CDH19: variants seen among roughly 807,000 people sequenced by gnomAD.
CDH19 encodes the protein cadherin-19.
CDH19 carries 67 observed loss-of-function variants against 64.2 expected under a neutral mutation model. The observed-to-expected ratio is 1.04, with a 90% confidence interval of 0.86 to 1.28. The LOEUF is 1.28. CDH19 is among the 50% of genes most tolerant of loss of function. The pLI, the probability that CDH19 is intolerant of heterozygous loss-of-function variation, is 0.00. For missense variants in CDH19, 1,030 were observed against 929.0 expected (o/e 1.11, Z -1.41); for synonymous variants, 346 against 319.3 (o/e 1.08, Z -0.89).
chr18:66,568,588 A>T lies in CDH19; in HGVS notation c.318T>A (p.Asp106Glu). ...AGATGTAGAGGGATCGCTCCTCTCT[A>T]TCAAGCTTCTGTATGGCATATATGT... ...TGDIYAIQKL[D>E]REERSLYILR... is the part of the protein sequence containing the mutation. The change falls in exon 3 of 12, where the codon GAT (aspartate) becomes GAA (glutamate). Residue 106 changes from aspartate to glutamate, a missense_variant. Physicochemically the swap from Asp to Glu is conservative, Grantham distance 45. Coordinates refer to ENST00000262150, the MANE Select transcript of CDH19 (RefSeq NM_021153.4). 1 of 1,612,220 alleles carries T rather than the reference A, an allele frequency of 6.2e-7. No individual in the cohort carries two copies. Among genetic ancestry groups the T allele is most frequent in the South Asian group, 1.1e-5 (1 of 91,056 alleles).
chr18:66,558,418 T>A (rs987440609), intron 3 of CDH19, among the ~76,000 whole-genome samples: 5 of 151,760 alleles, frequency 3.3e-5, no homozygotes, highest in Admixed American at 1.3e-4. Flanking sequence ...AAACACAGTT[T>A]AAGCAATTTT....
chr18:66,580,978 C>T (rs908101631), intron 1 of CDH19, among the ~76,000 whole-genome samples: 1 of 152,032 alleles, frequency 6.6e-6, no homozygotes, highest in Non-Finnish European at 1.5e-5. Context: ...TGGGCTGAAA[C>T]CAGGCAAATA....
intron 1 of CDH19, among the ~76,000 whole-genome samples, chr18:66,574,202 G>C (rs1481987324): frequency 6.6e-6 from 1 of 151,498 alleles, no homozygotes; most frequent in African/African-American, 2.4e-5. Flanking sequence ...GTTGCTAATT[G>C]TATCACTGTT....
chr18:66,552,468 T>TTTGTA lies in CDH19; in HGVS notation c.611-1211_611-1210insTACAA, dbSNP rs1987379950. The stretch of plus-strand genomic sequence containing the variant: ...GGGATTTTAGTTGCGGACTAAAGTG[T>TTTGTA]TTCACACATGTAATCAATTATTTGA... On this transcript the variant is annotated intron_variant, in intron 4 of 11. Coordinates refer to ENST00000262150, the MANE Select transcript of CDH19 (RefSeq NM_021153.4). Among the ~76,000 whole-genome samples the TTTGTA allele has an allele frequency of 3.1e-3, 432 of 137,528 alleles. 20 individuals are homozygous for TTTGTA. The highest frequency in any genetic ancestry group is 6.2e-3 in the African/African-American group (191 of 30,724). 90.2% of individuals were successfully genotyped at this position (137,528 alleles called of 152,430 possible). A position where few individuals can be genotyped will look rare whatever the true frequency, so the allele number is the denominator to read the frequency against.
In CDH19 at chr18:66,511,610, C is replaced by A. The variant is rs1985489010; in HGVS notation, c.1534G>T (p.Glu512Ter). 1 of 1,545,564 alleles carries A rather than the reference C, an allele frequency of 6.5e-7. No individual in the cohort carries two copies. Among genetic ancestry groups the A allele is most frequent in the Admixed American group, 1.7e-5 (1 of 59,472 alleles). ...GTAAAACTTGAATTGTTAGTGTCTT[C>A]TACAGATAGATTAAAGTAAAAATGG... ...EHHFYFNLSV[E>*]DTNNSSFTII... Residue 512 changes from glutamate (E) to a stop codon, truncating the protein, a stop_gained, in exon 10 of 12, where the codon GAA (glutamate) becomes TAA (stop). Transcript: ENST00000262150. LOFTEE classifies it high-confidence loss of function.
intron 9 of CDH19, among the ~76,000 whole-genome samples, chr18:66,519,308 T>C (rs958667470): frequency 6.6e-6 from 1 of 152,206 alleles, no homozygotes; most frequent in African/African-American, 2.4e-5. Flanking sequence ...AAAACTACTT[T>C]TACCACAGTC....
intron 1 of CDH19, among the ~76,000 whole-genome samples, chr18:66,600,501 T>C (rs1031759859): frequency 6.6e-6 from 1 of 151,936 alleles, no homozygotes; most frequent in African/African-American, 2.4e-5. Context: ...AAGAATTGTA[T>C]GTTTTAAACA....
chr18:66,576,859 T>C (rs897443631), intron 1 of CDH19, among the ~76,000 whole-genome samples: 1 of 151,690 alleles, frequency 6.6e-6, no homozygotes, highest in African/African-American at 2.4e-5. Context: ...TATAGGTAAC[T>C]TTAGCAGGGT....
intron 7 of CDH19, among the ~76,000 whole-genome samples, chr18:66,538,674 C>T (rs1182144376): frequency 2.6e-5 from 4 of 152,074 alleles, no homozygotes; most frequent in Admixed American, 1.3e-4. Context: ...TGGCTGAAAA[C>T]GATAAATTAA....
At chr18:66,545,407 TC>T (rs1987074815) in intron 5 of CDH19, among the ~76,000 whole-genome samples, 1 of 125,240 alleles carries the variant, frequency 8.0e-6, no homozygotes, top group East Asian at 1.9e-4. Flanking sequence ...TTTCCTTCCT[TC>T]CTTCCTTCTT....
At chr18:66,600,860 C>A (rs1197302707) in intron 1 of CDH19, among the ~76,000 whole-genome samples, 2 of 151,718 alleles carry the variant, frequency 1.3e-5, no homozygotes, top group Non-Finnish European at 3.0e-5. Flanking sequence ...AGAAAATAAT[C>A]AAAAATAAAC....
chr18:66,520,905 T>A (rs1370352456), intron 9 of CDH19, among the ~76,000 whole-genome samples: 4 of 152,110 alleles, frequency 2.6e-5, no homozygotes, highest in African/African-American at 9.6e-5. Flanking sequence ...AAGATATTAA[T>A]CTGGTTGTTT....
At chr18:66,531,493 T>C (rs1489475645) in intron 8 of CDH19, among the ~76,000 whole-genome samples, 2 of 151,954 alleles carry the variant, frequency 1.3e-5, no homozygotes, top group African/African-American at 4.8e-5. Flanking sequence ...GTAGTGTACA[T>C]TGTAGTCTCA....
chr18:66,594,314 TG>T (rs1208544454), intron 1 of CDH19, among the ~76,000 whole-genome samples: 4 of 152,080 alleles, frequency 2.6e-5, no homozygotes, highest in Non-Finnish European at 5.9e-5. Context: ...CAATCATAAT[TG>T]GGAGACTTTA....
chr18:66,577,297 AG>A (rs1988293842), intron 1 of CDH19, among the ~76,000 whole-genome samples: 1 of 151,930 alleles, frequency 6.6e-6, no homozygotes, highest in Admixed American at 6.6e-5. Context: ...ACATTTTAAA[AG>A]AAGAGGAAAT....
chr18:66,533,920 T>G (rs1338876502), intron 8 of CDH19, among the ~76,000 whole-genome samples: 2 of 152,062 alleles, frequency 1.3e-5, no homozygotes, highest in Non-Finnish European at 2.9e-5. Flanking sequence ...CTAATTATTT[T>G]TGGTTCAATA....
intron 3 of CDH19, among the ~76,000 whole-genome samples, chr18:66,566,526 C>A (rs547106051): frequency 1.2e-4 from 18 of 151,916 alleles, no homozygotes; most frequent in African/African-American, 4.3e-4. Flanking sequence ...TGGCTTAAAT[C>A]ATTATTACTT....
intron 8 of CDH19, among the ~76,000 whole-genome samples, chr18:66,533,221 C>G (rs549246810): frequency 6.6e-6 from 1 of 151,694 alleles, no homozygotes; most frequent in Non-Finnish European, 1.5e-5. Context: ...ATTACACACA[C>G]ACACACACAC....
rs1237156876 is a variant in CDH19 at position 66,503,462 on chromosome 18, A to ATATT, written c.*1346_*1349dup. On this transcript the variant is annotated 3_prime_UTR_variant, in exon 12 of 12. Coordinates refer to ENST00000262150, the MANE Select transcript of CDH19 (RefSeq NM_021153.4). ...TGGTAAGTCAGTTCAGTTGATCATAATATTTACAGTGAATAGTAACTGAAG... is the reference window on the plus strand; with the variant it reads ...TGGTAAGTCAGTTCAGTTGATCATAATATTTATTTACAGTGAATAGTAACTGAAG... 5 of 151,880 alleles carry ATATT rather than the reference A, an allele frequency of 3.3e-5. No homozygotes were observed. In the East Asian group the frequency reaches 9.6e-4, roughly 29 times the overall value. The allele number at this position is 151,880 out of a possible 1,614,324, so 9.4% of individuals were successfully genotyped here.
Sources: allele counts gnomAD v4.1 joint callset (sites outside exome capture counted in the v4.1 genomes callset), GRCh38; gene constraint gnomAD v4.1.1; transcripts MANE v1.5; gene names NCBI Gene and HGNC (gene_info 2026-07-23, HGNC 2026-07-21).